The following PRRX2 variants were observed in gnomAD, a reference collection of about 807,000 sequenced individuals.
PRRX2 encodes paired mesoderm homeobox protein 2.
In PRRX2, 11 loss-of-function variants were observed where a neutral mutation model predicts 18.0. The observed-to-expected ratio is 0.61, with a 90% CI of 0.39 to 1.01. The LOEUF is 1.01. Ranked by LOEUF, PRRX2 falls within the 50% of genes least tolerant of loss-of-function variation. PRRX2 has a pLI of 0.01. For missense variants in PRRX2, 387 were observed against 351.0 expected (o/e 1.10, Z -0.82); for synonymous variants, 177 against 154.8 (o/e 1.14, Z -1.06).
At chr9:129,705,096 C>A (rs966197576) in intron 1 of PRRX2, among the ~76,000 whole-genome samples, 1 of 152,228 alleles carries the variant, frequency 6.6e-6, no homozygotes, top group African/African-American at 2.4e-5. Flanking sequence ...AAATTTCGAG[C>A]AGAGGGCTGC....
intron 1 of PRRX2, among the ~76,000 whole-genome samples, chr9:129,680,369 C>A (rs1043338764): frequency 6.8e-6 from 1 of 147,828 alleles, no homozygotes; most frequent in Non-Finnish European, 1.5e-5. Context: ...CCACTGCACT[C>A]CAGCCTGGGT....
chr9:129,682,729 G>A (rs73627609), intron 1 of PRRX2, among the ~76,000 whole-genome samples: 5,067 of 152,182 alleles, frequency 0.033, 271 homozygotes, highest in African/African-American at 0.12. Flanking sequence ...GGCCTGTGGC[G>A]GGGTCAAGGA....
At chr9:129,666,164 G>GGGGCCA (rs1832018681) in intron 1 of PRRX2, 38 bp downstream of exon 1, 2 of 982,148 alleles carry the variant, frequency 2.0e-6, no homozygotes, top group African/African-American at 3.5e-5. Flanking sequence ...TGGCGGGGCC[G>GGGGCCA]GGGCCGGGGC....
chr9:129,720,803 A>T (rs1276833992), intron 3 of PRRX2, 29 bp downstream of exon 3: 1 of 1,517,618 alleles, frequency 6.6e-7, no homozygotes, highest in Non-Finnish European at 8.8e-7. Flanking sequence ...TTGGGCCAGG[A>T]AGGGGCAGCT....
At position 129,685,229 on chromosome 9, in the gene PRRX2, T is replaced by C. The variant is rs540222379; in HGVS notation, c.259+19103T>C. Among the ~76,000 whole-genome samples, 3 of 152,322 alleles carry C rather than the reference T, an allele frequency of 2.0e-5. 1 individual carries two copies. The South Asian group carries it at 6.2e-4, about 32-fold the overall frequency. On this transcript the variant is annotated intron_variant, in intron 1 of 3. Transcript: ENST00000372469. Reference sequence around the variant, plus strand: ...GGGTCTGGCTGGGCCCAGGGCCCCCTACCAGTAGCAGCATCCCCCTCACGT... The same window carrying C: ...GGGTCTGGCTGGGCCCAGGGCCCCCCACCAGTAGCAGCATCCCCCTCACGT...
chr9:129,722,499 C>A lies in PRRX2; in HGVS notation c.*147C>A, dbSNP rs1423829574. ...TCCCGAGCCCACGAGGCTGTTGAGG[C>A]CCCTGCAGCCGGGCCCAGCTCTTCT... On this transcript the variant is annotated 3_prime_UTR_variant, in exon 4 of 4. Transcript: ENST00000372469. 4 of 893,262 alleles carry A rather than the reference C, an allele frequency of 4.5e-6. No homozygotes were observed. In the South Asian group the frequency reaches 1.7e-4, roughly 37 times the overall value. The allele number at this position is 893,262 out of a possible 1,614,324, so 55.3% of individuals were successfully genotyped here.
Position 129,720,629 on chromosome 9 carries a change from A to G in PRRX2, c.481A>G (p.Arg161Gly). The change falls in exon 3 of 4, where the codon AGG becomes GGG. Residue 161 changes from arginine (R) to glycine (G), a missense_variant. Arg to Gly is a moderately radical substitution (Grantham distance 125). Transcript: ENST00000372469. ...TCAGAACCGCCGCGCCAAGTTCCGC[A>G]GGAATGAAAGGGCCATGCTGGCCAG... ...WFQNRRAKFR[R>G]NERAMLASRS... 6.2e-7 allele frequency: 1 copy of G among 1,612,768 alleles called. No homozygotes were observed. The highest frequency in any genetic ancestry group is 8.5e-7 in the Non-Finnish European group (1 of 1,179,330).
intron 1 of PRRX2, among the ~76,000 whole-genome samples, chr9:129,676,538 C>T (rs983505572): frequency 5.3e-5 from 8 of 152,144 alleles, no homozygotes; most frequent in African/African-American, 1.9e-4. Flanking sequence ...GGTGGAGAAG[C>T]CAGAGCCCAT....
chr9:129,689,545 T>C (rs1331374236), intron 1 of PRRX2, among the ~76,000 whole-genome samples: 1 of 152,130 alleles, frequency 6.6e-6, no homozygotes, highest in Non-Finnish European at 1.5e-5. Context: ...GGACAAGTGG[T>C]CCCTGGCCAT....
Position 129,666,136 on chromosome 9 carries a change from G to A in PRRX2, c.259+10G>A. ...GCGGCGCCGCAGGATGGTGAGTACG[G>A]CCGGCCAGGGACGGGGGTGGCGGGG... On this transcript the variant is annotated intron_variant, in intron 1 of 3. Coordinates refer to ENST00000372469, the MANE Select transcript of PRRX2 (RefSeq NM_016307.4). The A allele has an allele frequency of 1.0e-6, 1 of 1,001,252 alleles. No homozygotes were observed. The highest frequency in any genetic ancestry group is 1.2e-6 in the Non-Finnish European group (1 of 840,706). 62.0% of individuals were successfully genotyped at this position (1,001,252 alleles called of 1,614,324 possible). A position where few individuals can be genotyped will look rare whatever the true frequency, so the allele number is the denominator to read the frequency against.
At chr9:129,698,554 G>C (rs1293062676) in intron 1 of PRRX2, among the ~76,000 whole-genome samples, 3 of 152,248 alleles carry the variant, frequency 2.0e-5, no homozygotes, top group Non-Finnish European at 4.4e-5. Flanking sequence ...GGGATGCTGG[G>C]TAGGGTGGGG....
At chr9:129,673,023 C>T (rs917216832) in intron 1 of PRRX2, among the ~76,000 whole-genome samples, 4 of 152,192 alleles carry the variant, frequency 2.6e-5, no homozygotes, top group African/African-American at 9.7e-5. Context: ...AGTTAAATTT[C>T]CAGTAACTGA....
chr9:129,720,856 G>A (rs1832781480), intron 3 of PRRX2, 82 bp downstream of exon 3: 1 of 1,366,758 alleles, frequency 7.3e-7, no homozygotes, highest in East Asian at 2.7e-5. Flanking sequence ...CTCCTCTGAG[G>A]GTCTGGAGAG....
chr9:129,679,253 G>A (rs913575529), intron 1 of PRRX2, among the ~76,000 whole-genome samples: 20 of 152,320 alleles, frequency 1.3e-4, no homozygotes, highest in East Asian at 9.6e-4. Context: ...GCCATCCCAG[G>A]CTATCTGACC....
At chr9:129,666,212 G>A (rs1247946714) in intron 1 of PRRX2, 86 bp downstream of exon 1, 11 of 950,634 alleles carry the variant, frequency 1.2e-5, no homozygotes, top group Non-Finnish European at 1.4e-5. Context: ...CCGGCGCGGG[G>A]CGGGCGAAGA....
At chr9:129,669,850 C>T (rs1442918455) in intron 1 of PRRX2, among the ~76,000 whole-genome samples, 2 of 151,888 alleles carry the variant, frequency 1.3e-5, no homozygotes, top group Non-Finnish European at 2.9e-5. Context: ...AGATGCCTAA[C>T]ATCAGATTGA....
At chr9:129,684,408 G>A (rs1832270424) in intron 1 of PRRX2, among the ~76,000 whole-genome samples, 1 of 135,196 alleles carries the variant, frequency 7.4e-6, no homozygotes, top group Admixed American at 8.0e-5. Context: ...CACACACAGA[G>A]AGAGACACAC....
At chr9:129,696,814 CAGAG>C (rs61100428) in intron 1 of PRRX2, among the ~76,000 whole-genome samples, 21,778 of 152,018 alleles carry the variant, frequency 0.14, 1,856 homozygotes, top group Middle Eastern at 0.25. Flanking sequence ...GGGTCCCTGA[CAGAG>C]GGAGGGCAAG....
At chr9:129,684,078 C>T (rs1832266185) in intron 1 of PRRX2, among the ~76,000 whole-genome samples, 1 of 152,168 alleles carries the variant, frequency 6.6e-6, no homozygotes, top group African/African-American at 2.4e-5. Flanking sequence ...TGAGGCAGGT[C>T]CACCAGTCCC....
Sources: gnomAD v4.1 joint callset for allele counts (sites outside exome capture counted in the v4.1 genomes callset) on GRCh38, gnomAD v4.1.1 for gene constraint, MANE v1.5 for transcripts, NCBI Gene and HGNC (gene_info 2026-07-23, HGNC 2026-07-21) for gene names.